The following BCAS3 variants were observed in gnomAD, a reference collection of about 807,000 sequenced individuals.
BCAS3 encodes the protein BCAS3 microtubule associated cell migration factor.
In BCAS3, 53 loss-of-function variants were observed where a neutral mutation model predicts 116.1. The observed-to-expected ratio is 0.46, with a 90% CI of 0.37 to 0.57. The LOEUF (loss-of-function observed/expected upper bound fraction) is 0.57. Ranked by LOEUF, BCAS3 falls within the 20% of genes least tolerant of loss-of-function variation. BCAS3 has a pLI of 0.00. For synonymous variants in BCAS3, 391 were observed against 408.2 expected, an observed-to-expected ratio of 0.96 and a Z score of 0.51; for missense variants, 917 against 1,165.4, an observed-to-expected ratio of 0.79 and a Z score of 3.10.
intron 22 of BCAS3, among the ~76,000 whole-genome samples, chr17:61,168,262 T>G (rs1254563644): frequency 6.6e-6 from 1 of 152,190 alleles, no homozygotes; most frequent in Non-Finnish European, 1.5e-5. Flanking sequence ...GAAGATCTTT[T>G]TGATGACTCT....
intron 10 of BCAS3, among the ~76,000 whole-genome samples, chr17:60,894,286 T>A (rs1026308190): frequency 3.9e-5 from 6 of 152,122 alleles, no homozygotes; most frequent in Non-Finnish European, 8.8e-5. Context: ...CTTGTAGAGA[T>A]CTTTCATCTC....
At chr17:60,924,265 C>T in intron 12 of BCAS3, 142 bp from the exon 13 acceptor site, 1 of 648,704 alleles carries the variant, frequency 1.5e-6, no homozygotes, top group East Asian at 2.7e-5. Context: ...GTGGAATTCT[C>T]TCCTTATATT....
At chr17:61,009,733 CA>C (rs2064980008) in intron 15 of BCAS3, among the ~76,000 whole-genome samples, 1 of 151,846 alleles carries the variant, frequency 6.6e-6, no homozygotes, top group South Asian at 2.1e-4. Flanking sequence ...CTGAAATGTT[CA>C]ACAATTTCAG....
At chr17:60,735,671 C>A (rs2040881071) in intron 5 of BCAS3, among the ~76,000 whole-genome samples, 1 of 152,074 alleles carries the variant, frequency 6.6e-6, no homozygotes, top group Admixed American at 6.6e-5. Context: ...CTAGGCTTGT[C>A]TCAAACTCCT....
intron 6 of BCAS3, among the ~76,000 whole-genome samples, chr17:60,770,146 T>C (rs990076370): frequency 6.6e-6 from 1 of 152,110 alleles, no homozygotes; most frequent in Non-Finnish European, 1.5e-5. Context: ...TCAAGTTCTC[T>C]CTCTGCAGCA....
chr17:61,377,357 G>A lies in BCAS3; in HGVS notation c.2593+8863G>A, dbSNP rs1455750794. ...AGCCGGTGGCCTCGGCAGGGGTGGT[G>A]TTGTTGGTGTTGCTATTTGTGTCTC... On this transcript the variant is annotated intron_variant, in intron 23 of 23. Coordinates refer to ENST00000407086, the MANE Select transcript of BCAS3 (RefSeq NM_017679.5). The surrounding 1 kb of genome is among the most constrained non-coding windows in gnomAD (Gnocchi z 4.6). Among the ~76,000 whole-genome samples, 1 of 152,194 alleles carries A rather than the reference G, an allele frequency of 6.6e-6. No homozygotes were observed. Among genetic ancestry groups the A allele is most frequent in the Non-Finnish European group, 1.5e-5 (1 of 68,036 alleles).
chr17:60,868,651 G>A lies in BCAS3; in HGVS notation c.552G>A (p.Lys184=). ...TGEMVKSIQF[K]TPIYDLHCNK... ...AGATGGTCAAGTCCATTCAATTTAAGACACCTATTTATGATCTCCATTGCA... is the reference window on the plus strand; with the variant it reads ...AGATGGTCAAGTCCATTCAATTTAAAACACCTATTTATGATCTCCATTGCA... The change falls in exon 8 of 24, where the codon AAG becomes AAA. Residue 184 remains lysine, a synonymous_variant. Coordinates refer to ENST00000407086, the MANE Select transcript of BCAS3 (RefSeq NM_017679.5). The A allele has an allele frequency of 2.5e-6, 4 of 1,602,154 alleles. No individual in the cohort carries two copies. The highest frequency in any genetic ancestry group is 2.3e-5 in the East Asian group (1 of 43,976).
chr17:60,821,595 A>G (rs1209723727), intron 7 of BCAS3: 5 of 152,128 alleles, frequency 3.3e-5, no homozygotes, highest in Admixed American at 3.3e-4. Flanking sequence ...AAAGTTTTAT[A>G]TAAGTGGAAT....
chr17:61,053,577 A>G (rs774847506), intron 19 of BCAS3, among the ~76,000 whole-genome samples: 6 of 152,240 alleles, frequency 3.9e-5, no homozygotes, highest in Non-Finnish European at 8.8e-5. Flanking sequence ...ATGTCACATT[A>G]GATTTAACCT....
chr17:60,925,700 A>T (rs1285781908), intron 13 of BCAS3, among the ~76,000 whole-genome samples: 1 of 152,162 alleles, frequency 6.6e-6, no homozygotes, highest in Non-Finnish European at 1.5e-5. Flanking sequence ...AAGTGGTATA[A>T]ATGCCTAATT....
At chr17:60,933,659 G>T (rs2059777207) in intron 13 of BCAS3, among the ~76,000 whole-genome samples, 1 of 152,036 alleles carries the variant, frequency 6.6e-6, no homozygotes, top group Non-Finnish European at 1.5e-5. Flanking sequence ...GGACATAAAG[G>T]TTTTCCCATT....
chr17:60,950,949 C>T (rs1454259816), intron 14 of BCAS3, among the ~76,000 whole-genome samples: 1 of 152,140 alleles, frequency 6.6e-6, no homozygotes, highest in Non-Finnish European at 1.5e-5. Context: ...GACCTTCTTG[C>T]GTTGCATAGT....
chr17:61,119,693 A>T (rs900467352), intron 22 of BCAS3, among the ~76,000 whole-genome samples: 2 of 152,046 alleles, frequency 1.3e-5, no homozygotes, highest in African/African-American at 4.8e-5. Context: ...ATATATATAT[A>T]TAAAAAAAGA....
At chr17:61,359,549 C>T (rs1041000492) in intron 22 of BCAS3, among the ~76,000 whole-genome samples, 4 of 149,238 alleles carry the variant, frequency 2.7e-5, no homozygotes, top group African/African-American at 4.9e-5. Flanking sequence ...GGCTGGAGTG[C>T]GGTGCCGCGG....
Position 61,208,920 on chromosome 17 carries a change from A to G in BCAS3, c.2425+124356A>G, listed in dbSNP as rs74950977. Among the ~76,000 whole-genome samples the G allele has an allele frequency of 0.027, 4,108 of 152,022 alleles. 72 individuals carry two copies. The highest frequency in any genetic ancestry group is 0.08 in the Middle Eastern group (23 of 286). ...AGGGCCTGTATCTCTTGTGTAGCTC[A>G]GATCCTTTGGGTATTTAATGTACAG... is the stretch of plus-strand genomic sequence containing the variant. On this transcript the variant is annotated intron_variant, in intron 22 of 23. Transcript: ENST00000407086. This position sits in a 1 kb window ranked among gnomAD's most constrained non-coding sequence, Gnocchi z 4.5.
chr17:60,953,080 A>G (rs1567952905), intron 14 of BCAS3, among the ~76,000 whole-genome samples: 1 of 151,878 alleles, frequency 6.6e-6, no homozygotes, highest in Non-Finnish European at 1.5e-5. Context: ...GAACATGTGC[A>G]TGCATGTGTC....
chr17:61,026,837 T>C lies in BCAS3; in HGVS notation c.1638-7829T>C. 3.8e-6 allele frequency: 6 copies of C among 1,579,908 alleles called. No individual in the cohort carries two copies. Among genetic ancestry groups the C allele is most frequent in the Non-Finnish European group, 5.2e-6 (6 of 1,159,996 alleles). On this transcript the variant is annotated intron_variant, in intron 16 of 23. Coordinates refer to ENST00000407086, the MANE Select transcript of BCAS3 (RefSeq NM_017679.5). This position sits in a 1 kb window ranked among gnomAD's most constrained non-coding sequence, Gnocchi z 5.0. ...GTTAAATGAGTTTTTCTCTAATTTT[T>C]TGTGCATTTTTCCCCCTTTTCCATG...
At position 60,822,131 on chromosome 17, in the gene BCAS3, A is replaced by C. The variant is rs570118751; in HGVS notation, c.476+14055A>C. Among the ~76,000 whole-genome samples the C allele has an allele frequency of 5.3e-5, 8 of 152,316 alleles. No homozygotes were observed. In the South Asian group the frequency reaches 1.7e-3, roughly 32 times the overall value. On this transcript the variant is annotated intron_variant, in intron 7 of 23. Coordinates refer to ENST00000407086, the MANE Select transcript of BCAS3 (RefSeq NM_017679.5). ...CCTTTTCTCTTGACCAGATACCTAC[A>C]AGTAGAATGGTTAGATCACATGTTA...
intron 6 of BCAS3, among the ~76,000 whole-genome samples, chr17:60,757,070 G>C (rs10853022): frequency 6.6e-6 from 1 of 151,652 alleles, no homozygotes; most frequent in African/African-American, 2.4e-5. Flanking sequence ...GGCTGAGGCA[G>C]CTGAATCCCT....
Sources: allele counts gnomAD v4.1 joint callset (sites outside exome capture counted in the v4.1 genomes callset), GRCh38; gene constraint gnomAD v4.1.1; non-coding constraint Gnocchi (gnomAD v3.1); transcripts MANE v1.5; gene names NCBI Gene and HGNC (gene_info 2026-07-23, HGNC 2026-07-21).